VRK2: variants seen among roughly 807,000 people sequenced by gnomAD.
The protein encoded by VRK2 is VRK serine/threonine kinase 2, also known as serine/threonine-protein kinase VRK2.
A neutral mutation model predicts 57.6 loss-of-function variants in VRK2; 60 were observed. That is an observed-to-expected ratio of 1.04 (90% CI 0.85 to 1.29). The LOEUF is 1.29. Among genes scored for constraint, VRK2 ranks in the 50% most tolerant of loss-of-function variants. The pLI is 0.00. For synonymous variants in VRK2, 231 were observed against 199.2 expected (o/e 1.16, Z -1.35); for missense variants, 705 against 588.1 (o/e 1.20, Z -2.06).
Position 57,926,523 on chromosome 2 carries a change from T to A in VRK2, c.-439+18684T>A, listed in dbSNP as rs556719566. On this transcript the variant is annotated intron_variant, in intron 1 of 15. Transcript: ENST00000417641. ...ATATAGTGTGTGTATATATATAGTG[T>A]GTGTGTGTATATATATAGAGAGAGA... is the stretch of plus-strand genomic sequence containing the variant. Among the ~76,000 whole-genome samples, 4 of 150,914 alleles carry A rather than the reference T, an allele frequency of 2.7e-5. No individual in the cohort carries two copies. In the East Asian group the frequency reaches 7.8e-4, roughly 29 times the overall value.
chr2:57,932,090 C>A (rs1280051402), intron 1 of VRK2, among the ~76,000 whole-genome samples: 2 of 151,966 alleles, frequency 1.3e-5, no homozygotes, highest in African/African-American at 4.8e-5. Context: ...TATAAGATTG[C>A]TATAGCTATT....
intron 7 of VRK2, among the ~76,000 whole-genome samples, chr2:58,121,721 A>G (rs1427278503): frequency 2.6e-5 from 4 of 152,226 alleles, no homozygotes; most frequent in Admixed American, 6.5e-5. Context: ...TGCAGATTGT[A>G]TGGTAAATAC....
chr2:58,132,285 T>A (rs1054087120), intron 9 of VRK2, among the ~76,000 whole-genome samples: 21 of 152,300 alleles, frequency 1.4e-4, no homozygotes, highest in African/African-American at 4.8e-4. Context: ...ACGATTGATA[T>A]TAACTGTGTA....
At chr2:57,997,877 T>A (rs1672973677) in intron 1 of VRK2, among the ~76,000 whole-genome samples, 1 of 144,958 alleles carries the variant, frequency 6.9e-6, no homozygotes, top group African/African-American at 2.6e-5. Context: ...CCAGACTGGA[T>A]GACAGAGGAA....
chr2:58,073,522 T>G (rs1178983873), intron 2 of VRK2, among the ~76,000 whole-genome samples: 3 of 151,784 alleles, frequency 2.0e-5, no homozygotes, highest in Non-Finnish European at 1.5e-5. Flanking sequence ...TTATTATGTC[T>G]TCCTGAAGAA....
At chr2:58,144,513 T>C (rs1184439330) in intron 11 of VRK2, among the ~76,000 whole-genome samples, 1 of 152,064 alleles carries the variant, frequency 6.6e-6, no homozygotes, top group East Asian at 1.9e-4. Flanking sequence ...ATATTTTTAT[T>C]GTCAAACATA....
intron 1 of VRK2, among the ~76,000 whole-genome samples, chr2:57,934,601 G>A (rs1670843759): frequency 6.6e-6 from 1 of 152,134 alleles, no homozygotes; most frequent in African/African-American, 2.4e-5. Flanking sequence ...GCACCTAGGT[G>A]TTCATATGTT....
chr2:58,030,640 C>G (rs2103695042), intron 2 of VRK2, among the ~76,000 whole-genome samples: 1 of 151,766 alleles, frequency 6.6e-6, no homozygotes, highest in East Asian at 1.9e-4. Context: ...CTGGATTGGT[C>G]AAAACTTGTG....
At chr2:58,133,829 G>A (rs777638728) in intron 9 of VRK2, among the ~76,000 whole-genome samples, 2 of 152,074 alleles carry the variant, frequency 1.3e-5, no homozygotes, top group Non-Finnish European at 2.9e-5. Context: ...GGAGAACAAT[G>A]CACATATATA....
At chr2:58,115,112 G>C (rs1022568006) in intron 7 of VRK2, among the ~76,000 whole-genome samples, 2 of 152,046 alleles carry the variant, frequency 1.3e-5, no homozygotes, top group East Asian at 3.9e-4. Flanking sequence ...CTAGTGGCTC[G>C]TACTATAGCA....
chr2:58,089,661 G>T lies in VRK2; in HGVS notation c.481G>T (p.Glu161Ter). The change falls in exon 7 of 13, where the codon GAA (glutamate) becomes TAA (stop). Residue 161 changes from glutamate (E) to a stop codon, truncating the protein, a stop_gained. Coordinates refer to ENST00000340157, the MANE Select transcript of VRK2 (RefSeq NM_006296.7). LOFTEE classifies it high-confidence loss of function. ...LDVLEYIHEN[E>*]YVHGDIKAAN... Reference sequence around the variant, plus strand: ...TGTACTGGAATATATACATGAAAATGAATATGTTCATGGTGATATAAAAGC... The same window carrying T: ...TGTACTGGAATATATACATGAAAATTAATATGTTCATGGTGATATAAAAGC... 6.2e-7 allele frequency: 1 copy of T among 1,606,812 alleles called. No individual in the cohort carries two copies. Among genetic ancestry groups the T allele is most frequent in the South Asian group, 1.1e-5 (1 of 90,172 alleles).
intron 8 of VRK2, among the ~76,000 whole-genome samples, 169 bp downstream of exon 8, chr2:58,123,402 T>A (rs1161545272): frequency 6.6e-6 from 1 of 152,190 alleles, no homozygotes; most frequent in East Asian, 1.9e-4. Context: ...ATATTTCTTC[T>A]AACAGTGGAA....
chr2:58,137,251 G>GATACATATATATCATATATATGATAC (rs145492171), intron 10 of VRK2, among the ~76,000 whole-genome samples: 7 of 77,382 alleles, frequency 9.0e-5, no homozygotes, highest in African/African-American at 3.4e-4. Flanking sequence ...TCATATATAT[G>GATACATATATATCATATATATGATAC]ATATATATGA....
chr2:58,147,304 A>G (rs1205046222), intron 12 of VRK2: 1 of 421,240 alleles, frequency 2.4e-6, no homozygotes, highest in African/African-American at 2.0e-5. Flanking sequence ...AGAGACAGAA[A>G]TGCTTTTTTT....
At chr2:57,940,612 A>AAAGGTC (rs1425328646) in intron 1 of VRK2, among the ~76,000 whole-genome samples, 1 of 152,182 alleles carries the variant, frequency 6.6e-6, no homozygotes, top group African/African-American at 2.4e-5. Context: ...ATAGGGAAAA[A>AAAGGTC]AAGGTCAAAC....
chr2:58,138,020 A>C (rs992104505), intron 10 of VRK2, among the ~76,000 whole-genome samples: 1 of 152,166 alleles, frequency 6.6e-6, no homozygotes, highest in Non-Finnish European at 1.5e-5. Flanking sequence ...CAGTCCCATG[A>C]AGGCTTTGCA....
rs71394403 is a variant in VRK2 at position 57,933,309 on chromosome 2, C to CTTTTTTTTTTTTTTTTTTTTTTT, written c.-439+25492_-439+25493insTTTTTTTTTTTTTTTTTTTTTTT. Among the ~76,000 whole-genome samples the CTTTTTTTTTTTTTTTTTTTTTTT allele has an allele frequency of 7.9e-4, 50 of 63,298 alleles. 1 individual carries two copies. Among genetic ancestry groups the CTTTTTTTTTTTTTTTTTTTTTTT allele is most frequent in the South Asian group, 1.2e-3 (2 of 1,660 alleles). The allele number at this position is 63,298 out of a possible 152,430, so 41.5% of individuals were successfully genotyped here. Reference sequence around the variant, plus strand: ...TGCTATTTCTTATTTCTTTCTTTTTCTTTTTTTTTTTTTTTTTTTTTTGAG... The same window carrying CTTTTTTTTTTTTTTTTTTTTTTT: ...TGCTATTTCTTATTTCTTTCTTTTTCTTTTTTTTTTTTTTTTTTTTTTTTTTTTTTTTTTTTTTTTTTTTTGAG... On this transcript the variant is annotated intron_variant, in intron 1 of 15. Transcript: ENST00000417641.
intron 8 of VRK2, among the ~76,000 whole-genome samples, chr2:58,123,788 G>A (rs997733803): frequency 6.6e-6 from 1 of 151,936 alleles, no homozygotes. Context: ...CAAGGAGGTT[G>A]AGGCTGCAGT....
intron 7 of VRK2, among the ~76,000 whole-genome samples, chr2:58,100,225 G>A (rs1471324638): frequency 2.0e-5 from 3 of 151,954 alleles, no homozygotes; most frequent in Admixed American, 6.6e-5. Flanking sequence ...AATGGAGTGT[G>A]AATGTGTTTG....
Sources: gnomAD v4.1 joint callset for allele counts (sites outside exome capture counted in the v4.1 genomes callset) on GRCh38, gnomAD v4.1.1 for gene constraint, MANE v1.5 for transcripts, NCBI Gene and HGNC (gene_info 2026-07-23, HGNC 2026-07-21) for gene names.